C7orf57: variants seen among roughly 807,000 people sequenced by gnomAD.
The protein encoded by C7orf57 is uncharacterized protein C7orf57.
In C7orf57, 33 loss-of-function variants were observed where a neutral mutation model predicts 39.0. The ratio of observed to expected loss-of-function variants is 0.85; its 90% CI spans 0.64 to 1.13. The LOEUF (loss-of-function observed/expected upper bound fraction) is 1.13. Ranked by LOEUF, C7orf57 falls within the 50% of genes most tolerant of loss-of-function variation. The pLI, the probability that C7orf57 is intolerant of heterozygous loss-of-function variation, is 0.00. For synonymous variants in C7orf57, 124 were observed against 137.1 expected (o/e 0.90, Z 0.67); for missense variants, 346 against 362.3 (o/e 0.95, Z 0.37).
rs777469722 is a variant in C7orf57 at position 48,043,609 on chromosome 7, C to T, written c.350+20C>T. On this transcript the variant is annotated intron_variant, in intron 4 of 8. Coordinates refer to ENST00000348904, the MANE Select transcript of C7orf57 (RefSeq NM_001100159.3). ...GCAAGAGTAAGTACCTTAAAGCACTCACATTTTTGTTTATCTTTACAGGAA... is the reference window on the plus strand; with the variant it reads ...GCAAGAGTAAGTACCTTAAAGCACTTACATTTTTGTTTATCTTTACAGGAA... The T allele has an allele frequency of 6.3e-7, 1 of 1,587,182 alleles. No homozygotes were observed. Among genetic ancestry groups the T allele is most frequent in the Non-Finnish European group, 8.6e-7 (1 of 1,158,040 alleles).
chr7:48,053,930 G>A (rs942542955), intron 7 of C7orf57, among the ~76,000 whole-genome samples: 6 of 152,178 alleles, frequency 3.9e-5, no homozygotes, highest in African/African-American at 9.7e-5. Flanking sequence ...GAAAGATGGC[G>A]TGTTATACCT....
chr7:48,052,255 G>C (rs568985584), intron 6 of C7orf57, among the ~76,000 whole-genome samples: 31 of 152,280 alleles, frequency 2.0e-4, no homozygotes, highest in African/African-American at 7.0e-4. Flanking sequence ...ATAGGCGTGA[G>C]CCACGGCACC....
intron 4 of C7orf57, among the ~76,000 whole-genome samples, chr7:48,044,438 A>G (rs1790654447): frequency 6.6e-6 from 1 of 152,186 alleles, no homozygotes; most frequent in Non-Finnish European, 1.5e-5. Flanking sequence ...CTCTCAGGCA[A>G]TAGATGATTG....
rs763376581 is a variant in C7orf57 at position 48,036,207 on chromosome 7, G to A, written c.-101-1G>A. 1 of 1,328,930 alleles carries A rather than the reference G, an allele frequency of 7.5e-7. No individual in the cohort carries two copies. Among genetic ancestry groups the A allele is most frequent in the Non-Finnish European group, 1.1e-6 (1 of 944,834 alleles). 82.3% of individuals were successfully genotyped at this position (1,328,930 alleles called of 1,614,324 possible). A position where few individuals can be genotyped will look rare whatever the true frequency, so the allele number is the denominator to read the frequency against. On this transcript the variant is annotated splice_acceptor_variant, in intron 1 of 8. Coordinates refer to ENST00000348904, the MANE Select transcript of C7orf57 (RefSeq NM_001100159.3). LOFTEE classifies it low-confidence loss of function (5UTR_SPLICE). The stretch of plus-strand genomic sequence containing the variant: ...CGGGCGCGCGGATTTTGCTTTTGCA[G>A]CTGCAGCTCCTGGCAACTGGTCAAG...
chr7:48,059,892 C>T (rs1428743699), intron 8 of C7orf57, among the ~76,000 whole-genome samples: 2 of 152,116 alleles, frequency 1.3e-5, no homozygotes, highest in South Asian at 2.1e-4. Flanking sequence ...CTTCTCTACT[C>T]GCCTTGCCCA....
In C7orf57 at chr7:48,041,482, G is replaced by A. The variant is rs1332481495; in HGVS notation, c.204G>A (p.Ser68=). The A allele has an allele frequency of 8.1e-6, 13 of 1,612,954 alleles. No homozygotes were observed. The East Asian group carries it at 1.8e-4, about 22-fold the overall frequency. Reference sequence around the variant, plus strand: ...GATACTGGATAAAAGAAACAGATTCGGAATATGTGAAGCTCGCGAAACAAG... The same window carrying A: ...GATACTGGATAAAAGAAACAGATTCAGAATATGTGAAGCTCGCGAAACAAG... ...TRRYWIKETD[S]EYVKLAKQGG... is the part of the protein sequence containing the mutation. Residue 68 remains serine (S), a synonymous_variant, in exon 3 of 9, where the codon TCG becomes TCA. Transcript: ENST00000348904.
chr7:48,048,271 G>A (rs1194104216), intron 5 of C7orf57, among the ~76,000 whole-genome samples: 5 of 152,182 alleles, frequency 3.3e-5, no homozygotes, highest in Middle Eastern at 3.2e-3. Flanking sequence ...CACCATCACC[G>A]CTTTGGTATG....
At position 48,035,779 on chromosome 7, in the gene C7orf57, G is replaced by C. The variant is rs531241357; in HGVS notation, c.-102+149G>C. ...CCGGGTTGGGATGAGCACAGGGCGG[G>C]ATCTCCAAGCCTGCCCAAGTCCCGC... On this transcript the variant is annotated intron_variant, in intron 1 of 8. Transcript: ENST00000348904. This position sits in a 1 kb window ranked among gnomAD's most constrained non-coding sequence, Gnocchi z 4.0. 1 of 583,682 alleles carries C rather than the reference G, an allele frequency of 1.7e-6. No individual in the cohort carries two copies. Among genetic ancestry groups the C allele is most frequent in the East Asian group, 3.0e-5 (1 of 33,336 alleles). The allele number at this position is 583,682 out of a possible 1,614,324, so 36.2% of individuals were successfully genotyped here. A position where few individuals can be genotyped will look rare whatever the true frequency, so the allele number is the denominator to read the frequency against.
Position 48,041,481 on chromosome 7 carries a change from C to A in C7orf57, c.203C>A (p.Ser68Ter), listed in dbSNP as rs200648424. The A allele has an allele frequency of 3.7e-6, 6 of 1,612,956 alleles. No individual in the cohort carries two copies. Among genetic ancestry groups the A allele is most frequent in the Non-Finnish European group, 5.1e-6 (6 of 1,179,244 alleles). Reference sequence around the variant, plus strand: ...AGATACTGGATAAAAGAAACAGATTCGGAATATGTGAAGCTCGCGAAACAA... The same window carrying A: ...AGATACTGGATAAAAGAAACAGATTAGGAATATGTGAAGCTCGCGAAACAA... The part of the protein sequence containing the change: ...TRRYWIKETD[S>*]EYVKLAKQGG... Residue 68 changes from serine (S) to a stop codon, truncating the protein, a stop_gained, in exon 3 of 9, where the codon TCG becomes TAG. Transcript: ENST00000348904. LOFTEE classifies it high-confidence loss of function.
At chr7:48,055,831 A>G (rs1397021033) in intron 8 of C7orf57, among the ~76,000 whole-genome samples, 3 of 152,194 alleles carry the variant, frequency 2.0e-5, no homozygotes, top group African/African-American at 7.2e-5. Flanking sequence ...GTGTTCCATC[A>G]TGTATATACC....
rs1390339019 is a variant in C7orf57, at chr7:48,054,591, A to G, written c.830-4A>G. 6.5e-7 allele frequency: 1 copy of G among 1,548,782 alleles called. No homozygotes were observed. Among genetic ancestry groups the G allele is most frequent in the Admixed American group, 2.0e-5 (1 of 50,880 alleles). ...CTGAACAACGAATGTACTTTTTATT[A>G]CAGAGTCTTCTCAAAGTGAGTACTT... On this transcript the variant is annotated splice_region_variant and splice_polypyrimidine_tract_variant and intron_variant, in intron 7 of 8. Coordinates refer to ENST00000348904, the MANE Select transcript of C7orf57 (RefSeq NM_001100159.3).
At chr7:48,054,795 A>C (rs1791062807) in intron 8 of C7orf57, among the ~76,000 whole-genome samples, 189 bp downstream of exon 8, 1 of 152,158 alleles carries the variant, frequency 6.6e-6, no homozygotes, top group Non-Finnish European at 1.5e-5. Flanking sequence ...CCAGAAACTT[A>C]ACTTAGGGAG....
At position 48,051,865 on chromosome 7, in the gene C7orf57, T is replaced by TTCTTTC. The variant is rs1186157037; in HGVS notation, c.606-821_606-816dup. Among the ~76,000 whole-genome samples the TTCTTTC allele has an allele frequency of 4.1e-5, 3 of 72,330 alleles. 1 individual carries two copies. The highest frequency in any genetic ancestry group is 2.2e-4 in the African/African-American group (3 of 13,728). 47.5% of individuals were successfully genotyped at this position (72,330 alleles called of 152,430 possible). A position where few individuals can be genotyped will look rare whatever the true frequency, so the allele number is the denominator to read the frequency against. ...TTTCTTTCTTTCTTTCTTTCTTTCT[T>TTCTTTC]TCTTTCTCTTTCTCTTTCTTTCTTT... is the stretch of plus-strand genomic sequence containing the variant. On this transcript the variant is annotated intron_variant, in intron 6 of 8. Transcript: ENST00000348904.
chr7:48,053,237 T>G (rs752267733), intron 7 of C7orf57: 33 of 385,054 alleles, frequency 8.6e-5, no homozygotes, highest in Non-Finnish European at 1.5e-4. Context: ...ACTTTTAATC[T>G]TCCAGATCCA....
chr7:48,043,095 C>A (rs900888882), intron 3 of C7orf57, among the ~76,000 whole-genome samples: 1 of 152,122 alleles, frequency 6.6e-6, no homozygotes, highest in Non-Finnish European at 1.5e-5. Flanking sequence ...GCTAGGAGAA[C>A]GGTGTGGGGG....
In C7orf57 at chr7:48,036,313, G is replaced by A. The variant is rs777587593; in HGVS notation, c.5G>A (p.Arg2Lys). 28 of 1,588,086 alleles carry A rather than the reference G, an allele frequency of 1.8e-5. No individual in the cohort carries two copies. In the African/African-American group the frequency reaches 3.8e-4, roughly 21 times the overall value. The change falls in exon 2 of 9, where the codon AGG (arginine) becomes AAG (lysine). Residue 2 changes from arginine (R) to lysine (K), a missense_variant. Arg to Lys is a conservative substitution (Grantham distance 26). Transcript: ENST00000348904. ...CGCAGCGTGCAGCGCCTGACCATGA[G>A]GAACACAAGCAAGGAACTTCAGGGC... M[R>K]NTSKELQGAT...
At chr7:48,045,801 G>C (rs1239899007) in intron 4 of C7orf57, among the ~76,000 whole-genome samples, 1 of 152,138 alleles carries the variant, frequency 6.6e-6, no homozygotes, top group Non-Finnish European at 1.5e-5. Context: ...AAGCATTCTA[G>C]TGCCTTTGGA....
chr7:48,049,559 G>C lies in C7orf57; in HGVS notation c.508-321G>C, dbSNP rs142370278. Among the ~76,000 whole-genome samples the C allele has an allele frequency of 5.9e-5, 9 of 152,228 alleles. No homozygotes were observed. In the East Asian group the frequency reaches 1.5e-3, roughly 26 times the overall value. On this transcript the variant is annotated intron_variant, in intron 5 of 8. Coordinates refer to ENST00000348904, the MANE Select transcript of C7orf57 (RefSeq NM_001100159.3). Reference sequence around the variant, plus strand: ...GGGTGATTATTACAAAAGCGTACAGGTGCTTTTGTGAACATATGTTTTCAT... The same window carrying C: ...GGGTGATTATTACAAAAGCGTACAGCTGCTTTTGTGAACATATGTTTTCAT...
intron 6 of C7orf57, 66 bp downstream of exon 6, chr7:48,050,043 C>A: frequency 9.5e-7 from 1 of 1,048,270 alleles, no homozygotes; most frequent in South Asian, 1.3e-5. Context: ...GTCTTTCATC[C>A]GGTGATGACT....
Sources: gnomAD v4.1 joint callset for allele counts (sites outside exome capture counted in the v4.1 genomes callset) on GRCh38, gnomAD v4.1.1 for gene constraint, Gnocchi (gnomAD v3.1) non-coding constraint, MANE v1.5 for transcripts, NCBI Gene and HGNC (gene_info 2026-07-23, HGNC 2026-07-21) for gene names.